The following F2RL2 variants were observed in gnomAD, a reference collection of about 807,000 sequenced individuals.
The protein encoded by F2RL2 is proteinase-activated receptor 3.
A neutral mutation model predicts 4.3 loss-of-function variants in F2RL2; 4 were observed. The observed-to-expected ratio is 0.93, with a 90% confidence interval of 0.46 to 2.12. The LOEUF is 2.12. F2RL2 is among the 30% of genes most tolerant of loss of function. The pLI is 0.02. For synonymous variants in F2RL2, 166 were observed against 170.9 expected, an observed-to-expected ratio of 0.97 and a Z score of 0.22; for missense variants, 408 against 449.3, an observed-to-expected ratio of 0.91 and a Z score of 0.83.
At chr5:76,621,397 G>A (rs1749658027) in intron 1 of F2RL2, among the ~76,000 whole-genome samples, 1 of 152,180 alleles carries the variant, frequency 6.6e-6, no homozygotes. Flanking sequence ...TGTATTTAGA[G>A]GTGATCTTAG....
In F2RL2 at chr5:76,619,514, C is replaced by CCTTTTTTTTTTT. The variant is rs1561518620; in HGVS notation, c.65-873_65-872insAAAAAAAAAAAG. ...CAGATCTAACTTAGTTAAGGATCTT[C>CCTTTTTTTTTTT]TTTTTTTTTTTTTTTTTTTTTTGAG... On this transcript the variant is annotated intron_variant, in intron 1 of 1. Transcript: ENST00000296641. Among the ~76,000 whole-genome samples the CCTTTTTTTTTTT allele has an allele frequency of 7.7e-5, 8 of 104,266 alleles. 2 individuals are homozygous for CCTTTTTTTTTTT. Among genetic ancestry groups the CCTTTTTTTTTTT allele is most frequent in the Non-Finnish European group, 7.6e-5 (4 of 52,746 alleles). The allele number at this position is 104,266 out of a possible 152,430, so 68.4% of individuals were successfully genotyped here. A position where few individuals can be genotyped will look rare whatever the true frequency, so the allele number is the denominator to read the frequency against.
At position 76,617,660 on chromosome 5, in the gene F2RL2, A is replaced by G; in HGVS notation, c.1047T>C (p.Leu349=). The G allele has an allele frequency of 6.2e-7, 1 of 1,614,142 alleles. No homozygotes were observed. Among genetic ancestry groups the G allele is most frequent in the African/African-American group, 1.3e-5 (1 of 75,060 alleles). The part of the protein sequence containing the change: ...IYLIALCLGS[L]NSCLDPFLYF... The stretch of plus-strand genomic sequence containing the variant: ...AAAGGAATGGATCTAAGCAACTATT[A>G]AGACTACCCAGGCACAAAGCTATGA... The change falls in exon 2 of 2, where the codon CTT becomes CTC. Residue 349 remains leucine (L), a synonymous_variant. Coordinates refer to ENST00000296641, the MANE Select transcript of F2RL2 (RefSeq NM_004101.4).
At chr5:76,623,129 C>T (rs2150367318) in intron 1 of F2RL2, 38 bp downstream of exon 1, 1 of 1,600,080 alleles carries the variant, frequency 6.2e-7, no homozygotes, top group East Asian at 2.2e-5. Flanking sequence ...GTAACAGAAA[C>T]CCACATCCCC....
At position 76,616,233 on chromosome 5, in the gene F2RL2, C is replaced by T. The variant is rs923203812; in HGVS notation, c.*1349G>A. ...AAAGTGACACTTCTAGCCTGAGAAT[C>T]AGGGAAGAATGGTCCTTCAAGGACT... On this transcript the variant is annotated 3_prime_UTR_variant, in exon 2 of 2. Transcript: ENST00000296641. The T allele has an allele frequency of 5.9e-5, 9 of 152,232 alleles. No individual in the cohort carries two copies. Among genetic ancestry groups the T allele is most frequent in the African/African-American group, 1.9e-4 (8 of 41,438 alleles). 9.4% of individuals were successfully genotyped at this position (152,232 alleles called of 1,614,324 possible). A position where few individuals can be genotyped will look rare whatever the true frequency, so the allele number is the denominator to read the frequency against.
Position 76,618,470 on chromosome 5 carries a change from A to G in F2RL2, c.237T>C (p.His79=). The stretch of plus-strand genomic sequence containing the variant: ...GGTACCCCATGGTAGCATTTTTCAC[A>G]TGGAGATGTGAAGCACTTTCTTCAG... ...KCPEESASHL[H]VKNATMGYLT... The change falls in exon 2 of 2, where the codon CAT becomes CAC. Residue 79 remains histidine (H), a synonymous_variant. Coordinates refer to ENST00000296641, the MANE Select transcript of F2RL2 (RefSeq NM_004101.4). The G allele has an allele frequency of 5.0e-6, 8 of 1,614,168 alleles. No individual in the cohort carries two copies. Among genetic ancestry groups the G allele is most frequent in the Non-Finnish European group, 6.8e-6 (8 of 1,180,018 alleles).
chr5:76,617,717 G>T lies in F2RL2; in HGVS notation c.990C>A (p.Tyr330Ter), dbSNP rs770934396. 1.2e-6 allele frequency: 2 copies of T among 1,614,016 alleles called. No homozygotes were observed. Among genetic ancestry groups the T allele is most frequent in the African/African-American group, 1.3e-5 (1 of 75,014 alleles). Reference sequence around the variant, plus strand: ...TAAAATATAAGCCATCAGTGTTGTTGTAGTAGTAGTTAGCATGGTGAATAA... The same window carrying T: ...TAAAATATAAGCCATCAGTGTTGTTTTAGTAGTAGTTAGCATGGTGAATAA... ...ILIIHHANYY[Y>*]NNTDGLYFIY... Residue 330 changes from tyrosine to a stop codon, truncating the protein, a stop_gained, in exon 2 of 2, where the codon TAC becomes TAA. Transcript: ENST00000296641. LOFTEE classifies it high-confidence loss of function.
At position 76,618,599 on chromosome 5, in the gene F2RL2, G is replaced by A. The variant is rs1749263284; in HGVS notation, c.108C>T (p.Pro36=). 2 of 1,613,824 alleles carry A rather than the reference G, an allele frequency of 1.2e-6. No individual in the cohort carries two copies. The highest frequency in any genetic ancestry group is 1.7e-6 in the Non-Finnish European group (2 of 1,179,924). ...DTNNLAKPTL[P]IKTFRGAPPN... is the part of the protein sequence containing the mutation. ...GGGGAGCTCCACGAAAGGTCTTAAT[G>A]GGTAAGGTTGGCTTTGCCAAGTTGT... The change falls in exon 2 of 2, where the codon CCC becomes CCT. Residue 36 remains proline (P), a synonymous_variant. Coordinates refer to ENST00000296641, the MANE Select transcript of F2RL2 (RefSeq NM_004101.4).
At position 76,618,296 on chromosome 5, in the gene F2RL2, A is replaced by G. The variant is rs1749215167; in HGVS notation, c.411T>C (p.Ile137=). Residue 137 remains isoleucine (I), a synonymous_variant, in exon 2 of 2, where the codon ATT becomes ATC. Transcript: ENST00000296641. ...ATGTAACACAAAAAAGAAAATCTGCAATGGCCAGGTTGGTGTAGAATACAG... is the reference window on the plus strand; with the variant it reads ...ATGTAACACAAAAAAGAAAATCTGCGATGGCCAGGTTGGTGTAGAATACAG... ...CTTVFYTNLA[I]ADFLFCVTLP... 1 of 1,614,116 alleles carries G rather than the reference A, an allele frequency of 6.2e-7. No individual in the cohort carries two copies. The highest frequency in any genetic ancestry group is 1.3e-5 in the African/African-American group (1 of 74,948).
At position 76,617,706 on chromosome 5, in the gene F2RL2, T is replaced by C; in HGVS notation, c.1001A>G (p.Asp334Gly). ...TATGAGATATATAAAATATAAGCCA[T>C]CAGTGTTGTTGTAGTAGTAGTTAGC... ...HHANYYYNNTDGLYFIYLIAL... is the reference protein window; with the variant it reads ...HHANYYYNNTGGLYFIYLIAL... Residue 334 changes from aspartate (D) to glycine (G), a missense_variant, in exon 2 of 2, where the codon GAT (aspartate) becomes GGT (glycine). Physicochemically the swap from Asp to Gly is moderately conservative, Grantham distance 94. Coordinates refer to ENST00000296641, the MANE Select transcript of F2RL2 (RefSeq NM_004101.4). The C allele has an allele frequency of 6.2e-7, 1 of 1,614,064 alleles. No homozygotes were observed. Among genetic ancestry groups the C allele is most frequent in the Non-Finnish European group, 8.5e-7 (1 of 1,179,968 alleles).
intron 1 of F2RL2, among the ~76,000 whole-genome samples, chr5:76,621,213 G>C (rs1749635851): frequency 6.6e-6 from 1 of 152,276 alleles, no homozygotes; most frequent in East Asian, 1.9e-4. Context: ...TAGCTCCCGG[G>C]TGAAATGGAA....
Position 76,617,541 on chromosome 5 carries a change from G to T in F2RL2, c.*41C>A. Reference sequence around the variant, plus strand: ...GCTTATGTTGTTCTTGAAAACAGACGTTCTCTGTGATGGCTGTCCTTGTTC... The same window carrying T: ...GCTTATGTTGTTCTTGAAAACAGACTTTCTCTGTGATGGCTGTCCTTGTTC... On this transcript the variant is annotated 3_prime_UTR_variant, in exon 2 of 2. Transcript: ENST00000296641. 6.7e-7 allele frequency: 1 copy of T among 1,490,916 alleles called. No individual in the cohort carries two copies. 92.4% of individuals were successfully genotyped at this position (1,490,916 alleles called of 1,614,324 possible).
intron 1 of F2RL2, among the ~76,000 whole-genome samples, chr5:76,621,853 G>A (rs1430577734): frequency 2.0e-5 from 3 of 152,002 alleles, no homozygotes; most frequent in Non-Finnish European, 4.4e-5. Flanking sequence ...TTTTCTATCC[G>A]GGAAAAGGCC....
At position 76,617,946 on chromosome 5, in the gene F2RL2, G is replaced by T. The variant is rs746837046; in HGVS notation, c.761C>A (p.Ser254Tyr). ...TCHDVHNTCE[S>Y]SSPFQLYYFI... Reference sequence around the variant, plus strand: ...GTAATAGAGTTGGAAGGGAGATGAGGACTCGCAAGTGTTGTGAACATCATG... The same window carrying T: ...GTAATAGAGTTGGAAGGGAGATGAGTACTCGCAAGTGTTGTGAACATCATG... Residue 254 changes from serine to tyrosine, a missense_variant, in exon 2 of 2, where the codon TCC becomes TAC. By Grantham distance (144) the Ser-to-Tyr change is moderately radical. Transcript: ENST00000296641. 3 of 1,613,964 alleles carry T rather than the reference G, an allele frequency of 1.9e-6. No homozygotes were observed. Among genetic ancestry groups the T allele is most frequent in the East Asian group, 4.5e-5 (2 of 44,866 alleles).
rs1313676706 is a variant in F2RL2 at position 76,617,906 on chromosome 5, T to C, written c.801A>G (p.Ala267=). ...PFQLYYFISL[A]FFGFLIPFVL... Reference sequence around the variant, plus strand: ...CAAATGGAATTAAGAATCCAAAGAATGCCAAGGAGATGAAGTAATAGAGTT... The same window carrying C: ...CAAATGGAATTAAGAATCCAAAGAACGCCAAGGAGATGAAGTAATAGAGTT... Residue 267 remains alanine (A), a synonymous_variant, in exon 2 of 2, where the codon GCA becomes GCG. Transcript: ENST00000296641. The C allele has an allele frequency of 4.3e-6, 7 of 1,614,056 alleles. No individual in the cohort carries two copies. Among genetic ancestry groups the C allele is most frequent in the Admixed American group, 3.3e-5 (2 of 60,016 alleles).
chr5:76,623,057 C>A, intron 1 of F2RL2, 110 bp downstream of exon 1: 1 of 933,432 alleles, frequency 1.1e-6, no homozygotes, highest in Non-Finnish European at 1.7e-6. Context: ...GATCAAACTG[C>A]CTTTGGGGTT....
Position 76,618,533 on chromosome 5 carries a change from G to A in F2RL2, c.174C>T (p.Gly58=). 6.2e-7 allele frequency: 1 copy of A among 1,614,160 alleles called. No homozygotes were observed. The highest frequency in any genetic ancestry group is 8.5e-7 in the Non-Finnish European group (1 of 1,180,026). The change falls in exon 2 of 2, where the codon GGC becomes GGT. Residue 58 remains glycine, a synonymous_variant. Transcript: ENST00000296641. ...TTACAGTAATCGTGGCTCCTGTCCA[G>A]CCTTCCAAGGCAGAAAAGGGGAACT... The part of the protein sequence containing the change: ...FEEFPFSALE[G]WTGATITVKI...
At chr5:76,622,753 C>G (rs530549572) in intron 1 of F2RL2, among the ~76,000 whole-genome samples, 61 of 152,322 alleles carry the variant, frequency 4.0e-4, no homozygotes, top group African/African-American at 1.4e-3. Flanking sequence ...ATGACTTTCT[C>G]TTTCTGGCAG....
chr5:76,621,372 G>A (rs2150363577), intron 1 of F2RL2, among the ~76,000 whole-genome samples: 1 of 152,310 alleles, frequency 6.6e-6, no homozygotes, highest in Non-Finnish European at 1.5e-5. Context: ...TTGGGAGGCA[G>A]CATTCTTCTA....
chr5:76,621,100 C>A (rs1749620730), intron 1 of F2RL2, among the ~76,000 whole-genome samples: 1 of 152,130 alleles, frequency 6.6e-6, no homozygotes, highest in African/African-American at 2.4e-5. Flanking sequence ...ATGTCTTGTC[C>A]CATGGCCTCA....
Sources: gnomAD v4.1 joint callset for allele counts (sites outside exome capture counted in the v4.1 genomes callset) on GRCh38, gnomAD v4.1.1 for gene constraint, MANE v1.5 for transcripts, NCBI Gene and HGNC (gene_info 2026-07-23, HGNC 2026-07-21) for gene names.